ITPR1: variants seen among roughly 807,000 people sequenced by gnomAD.
ITPR1 encodes the protein inositol 1,4,5-trisphosphate-gated calcium channel ITPR1.
A neutral mutation model predicts 318.4 loss-of-function variants in ITPR1; 96 were observed. That is an observed-to-expected ratio of 0.30 (90% CI 0.26 to 0.36). The LOEUF is 0.36. Ranked by LOEUF, ITPR1 falls within the 10% of genes least tolerant of loss-of-function variation. ITPR1 has a pLI of 1.00. For synonymous variants in ITPR1, 1,312 were observed against 1,289.9 expected (o/e 1.02, Z -0.37); for missense variants, 2,440 against 3,460.2 (o/e 0.71, Z 7.40).
At chr3:4,833,069 T>C (rs963456952) in intron 60 of ITPR1, among the ~76,000 whole-genome samples, 12 of 152,240 alleles carry the variant, frequency 7.9e-5, no homozygotes, top group African/African-American at 2.9e-4. Flanking sequence ...CTTGTCTTTC[T>C]CATCTTTAGA....
intron 4 of ITPR1, among the ~76,000 whole-genome samples, chr3:4,530,427 ACT>A (rs1432403088): frequency 1.7e-4 from 26 of 152,152 alleles, no homozygotes; most frequent in Non-Finnish European, 3.4e-4. Context: ...ATCTTTTTAC[ACT>A]GATGACTTAA....
intron 4 of ITPR1, among the ~76,000 whole-genome samples, chr3:4,533,496 A>C (rs2083589143): frequency 6.6e-6 from 1 of 152,232 alleles, no homozygotes; most frequent in Non-Finnish European, 1.5e-5. Context: ...GTGCATGTGT[A>C]ACACAGTAAA....
intron 4 of ITPR1, among the ~76,000 whole-genome samples, chr3:4,593,069 A>G (rs1365301393): frequency 6.6e-6 from 1 of 152,202 alleles, no homozygotes; most frequent in Admixed American, 6.5e-5. Flanking sequence ...CGAAGTCAGG[A>G]GATTTCAGCT....
Position 4,603,401 on chromosome 3 carries a change from C to CGTTTT in ITPR1, c.164-24362_164-24361insGTTTT, listed in dbSNP as rs2091444673. 4.8e-5 allele frequency among the ~76,000 whole-genome samples: 7 copies of CGTTTT among 146,304 alleles called. No individual in the cohort carries two copies. The Admixed American group carries it at 4.9e-4, about 10-fold the overall frequency. ...CTCACTCCCTGGTCCATATGTACCA[C>CGTTTT]ATTTTCTTTTCTTTTCTTTTTTATT... On this transcript the variant is annotated intron_variant, in intron 4 of 61. Transcript: ENST00000649015.
At chr3:4,534,162 T>G (rs1052823695) in intron 4 of ITPR1, among the ~76,000 whole-genome samples, 1 of 152,240 alleles carries the variant, frequency 6.6e-6, no homozygotes, top group Non-Finnish European at 1.5e-5. Flanking sequence ...GTTTTGTTAC[T>G]TGGATGTATT....
chr3:4,703,061 G>T (rs2094688888), intron 36 of ITPR1, 111 bp downstream of exon 36: 2 of 1,241,178 alleles, frequency 1.6e-6, no homozygotes, highest in Non-Finnish European at 2.2e-6. Flanking sequence ...TACACAGACA[G>T]GAAGTTTCAG....
At position 4,766,515 on chromosome 3, in the gene ITPR1, G is replaced by T; in HGVS notation, c.5545-15G>T. ...TCAGTTACAGTGTTCACAATCTATG[G>T]ATTTTCCTTTGCAGCACTCCTTTTT... On this transcript the variant is annotated splice_polypyrimidine_tract_variant and intron_variant, in intron 44 of 61. Coordinates refer to ENST00000649015, the MANE Select transcript of ITPR1 (RefSeq NM_001378452.1). 1 of 1,612,308 alleles carries T rather than the reference G, an allele frequency of 6.2e-7. No individual in the cohort carries two copies. Among genetic ancestry groups the T allele is most frequent in the South Asian group, 1.1e-5 (1 of 90,918 alleles).
Position 4,847,101 on chromosome 3 carries a change from T to G in ITPR1, c.*876T>G, listed in dbSNP as rs2051836589. ...TATAAAGACATGCATAATTGATGGT[T>G]TCTAGATTATCTAGTCCAAACAATA... is the stretch of plus-strand genomic sequence containing the variant. On this transcript the variant is annotated 3_prime_UTR_variant, in exon 62 of 62. Coordinates refer to ENST00000649015, the MANE Select transcript of ITPR1 (RefSeq NM_001378452.1). 6.6e-6 allele frequency: 1 copy of G among 152,654 alleles called. No homozygotes were observed. Among genetic ancestry groups the G allele is most frequent in the African/African-American group, 2.4e-5 (1 of 41,442 alleles). 9.5% of individuals were successfully genotyped at this position (152,654 alleles called of 1,614,324 possible).
chr3:4,825,472 G>A (rs1483948941), intron 60 of ITPR1, among the ~76,000 whole-genome samples: 1 of 152,142 alleles, frequency 6.6e-6, no homozygotes, highest in Non-Finnish European at 1.5e-5. Context: ...ATGCAAAAGA[G>A]CCTTTTTGCC....
At chr3:4,649,424 G>A (rs1270019850) in intron 10 of ITPR1, among the ~76,000 whole-genome samples, 2 of 152,148 alleles carry the variant, frequency 1.3e-5, no homozygotes, top group East Asian at 1.9e-4. Context: ...TTGTAGTAAT[G>A]AGCCAGGGTT....
At chr3:4,717,071 T>G (rs1257383684) in intron 39 of ITPR1, among the ~76,000 whole-genome samples, 2 of 152,184 alleles carry the variant, frequency 1.3e-5, no homozygotes, top group Non-Finnish European at 1.5e-5. Flanking sequence ...TCGGTTCATG[T>G]TTTCATGTCC....
At chr3:4,774,216 C>T (rs1044445094) in intron 46 of ITPR1, among the ~76,000 whole-genome samples, 9 of 152,118 alleles carry the variant, frequency 5.9e-5, no homozygotes, top group African/African-American at 1.2e-4. Flanking sequence ...GGGATCTACT[C>T]GGTGTTTCTA....
chr3:4,782,408 G>A, intron 49 of ITPR1: 1 of 407,010 alleles, frequency 2.5e-6, no homozygotes, highest in East Asian at 3.7e-5. Flanking sequence ...GAGTGAATGA[G>A]TTTCATTTCT....
At chr3:4,835,070 G>A (rs2050799231) in intron 60 of ITPR1, among the ~76,000 whole-genome samples, 1 of 152,130 alleles carries the variant, frequency 6.6e-6, no homozygotes, top group South Asian at 2.1e-4. Context: ...ATACTAAGGT[G>A]GTTCCTGCCT....
intron 4 of ITPR1, among the ~76,000 whole-genome samples, chr3:4,566,046 C>G (rs2087215949): frequency 6.6e-6 from 1 of 152,118 alleles, no homozygotes; most frequent in Non-Finnish European, 1.5e-5. Context: ...TTCCTGGTAG[C>G]CAAATCCCTG....
At chr3:4,831,913 T>A (rs2050544688) in intron 60 of ITPR1, among the ~76,000 whole-genome samples, 3 of 152,246 alleles carry the variant, frequency 2.0e-5, no homozygotes. Context: ...ATTTAGATTC[T>A]CTGTGCAGAG....
intron 8 of ITPR1, among the ~76,000 whole-genome samples, chr3:4,644,643 C>T (rs1180623548): frequency 6.6e-6 from 1 of 152,202 alleles, no homozygotes; most frequent in Non-Finnish European, 1.5e-5. Flanking sequence ...AGAGTGATAG[C>T]TTGCTTTTGG....
At chr3:4,529,525 T>C (rs1218557247) in intron 4 of ITPR1, among the ~76,000 whole-genome samples, 1 of 152,222 alleles carries the variant, frequency 6.6e-6, no homozygotes, top group Non-Finnish European at 1.5e-5. Context: ...GGTGAATCAC[T>C]TGAGCTTATG....
intron 2 of ITPR1, among the ~76,000 whole-genome samples, chr3:4,498,423 G>A (rs1316000540): frequency 2.0e-5 from 3 of 152,144 alleles, no homozygotes; most frequent in Non-Finnish European, 4.4e-5. Flanking sequence ...GGAGGAAGGA[G>A]AAGAAGGCCA....
Sources: allele counts gnomAD v4.1 joint callset (sites outside exome capture counted in the v4.1 genomes callset), GRCh38; gene constraint gnomAD v4.1.1; transcripts MANE v1.5; gene names NCBI Gene and HGNC (gene_info 2026-07-23, HGNC 2026-07-21).